The following CDC25C variants were observed in gnomAD, a reference collection of about 807,000 sequenced individuals.
CDC25C encodes M-phase inducer phosphatase 3.
Under a neutral mutation model 52.5 loss-of-function variants are expected in CDC25C, and 48 were observed. The observed-to-expected ratio is 0.91, with a 90% CI of 0.72 to 1.16. The LOEUF (loss-of-function observed/expected upper bound fraction) is 1.16, where lower values mean the gene tolerates loss of function less well. CDC25C is among the 50% of genes most tolerant of loss of function. CDC25C has a pLI of 0.00. For missense variants in CDC25C, 510 were observed against 566.1 expected (o/e 0.90, Z 1.01); for synonymous variants, 187 against 206.5 (o/e 0.91, Z 0.81).
chr5:138,331,806 T>C, upstream of CDC25C: 1 of 986,014 alleles, frequency 1.0e-6, no homozygotes, highest in South Asian at 4.7e-5. Context: ...AGCAAGAATA[T>C]CAACAGCCGC....
chr5:138,320,776 C>A, intron 6 of CDC25C, among the ~76,000 whole-genome samples: 1 of 151,786 alleles, frequency 6.6e-6, no homozygotes, highest in East Asian at 1.9e-4. Context: ...ATTCACCAGG[C>A]ATGGTAGCAC....
intron 8 of CDC25C, among the ~76,000 whole-genome samples, 179 bp from the exon 9 acceptor site, chr5:138,290,919 C>T (rs1056927255): frequency 6.6e-6 from 1 of 152,080 alleles, no homozygotes; most frequent in African/African-American, 2.4e-5. Context: ...TGCACCACTG[C>T]ACTCCAGTCT....
At chr5:138,290,802 G>A (rs1190038380) in intron 8 of CDC25C, 62 bp from the exon 9 acceptor site, 2 of 991,550 alleles carry the variant, frequency 2.0e-6, no homozygotes, top group East Asian at 2.4e-5. Context: ...AAAAACCAGT[G>A]GATGGAGTGG....
intron 7 of CDC25C, among the ~76,000 whole-genome samples, chr5:138,313,379 CAA>C (rs774904685): frequency 5.9e-4 from 22 of 37,048 alleles, no homozygotes; most frequent in South Asian, 1.1e-3. Context: ...CTATATCTCA[CAA>C]AAAAAAAAAA....
At chr5:138,323,318 A>T (rs1280811628) in intron 6 of CDC25C, among the ~76,000 whole-genome samples, 1 of 152,162 alleles carries the variant, frequency 6.6e-6, no homozygotes, top group East Asian at 1.9e-4. Context: ...TCTCCATCTC[A>T]GCTGACTGCA....
intron 7 of CDC25C, among the ~76,000 whole-genome samples, chr5:138,293,195 C>T (rs747116794): frequency 5.3e-4 from 81 of 152,142 alleles, no homozygotes; most frequent in Non-Finnish European, 9.1e-4. Context: ...CGCCCTATGT[C>T]CCCATCCACC....
At chr5:138,334,674 C>T (rs535885834), upstream of CDC25C, among the ~76,000 whole-genome samples, 9 of 152,188 alleles carry the variant, frequency 5.9e-5, no homozygotes, top group Non-Finnish European at 1.2e-4. Flanking sequence ...AAAAGCTCTA[C>T]GTTTGTTAAT....
chr5:138,305,493 C>A (rs1488687149), intron 7 of CDC25C, among the ~76,000 whole-genome samples: 1 of 152,154 alleles, frequency 6.6e-6, no homozygotes, highest in African/African-American at 2.4e-5. Flanking sequence ...CCTTGAACTG[C>A]TAGACTCAAA....
intron 7 of CDC25C, among the ~76,000 whole-genome samples, chr5:138,303,749 C>T (rs919571061): frequency 6.6e-6 from 1 of 152,176 alleles, no homozygotes; most frequent in African/African-American, 2.4e-5. Flanking sequence ...TCTCCCTTTG[C>T]TTTTTCACCA....
chr5:138,332,637 G>A (rs903158953), upstream of CDC25C, among the ~76,000 whole-genome samples: 4 of 151,862 alleles, frequency 2.6e-5, no homozygotes, highest in African/African-American at 7.3e-5. Context: ...AGGCCGAGGC[G>A]GGCAGATTAC....
chr5:138,302,503 C>T (rs931951144), intron 7 of CDC25C, among the ~76,000 whole-genome samples: 1 of 150,826 alleles, frequency 6.6e-6, no homozygotes, highest in Admixed American at 6.6e-5. Flanking sequence ...AGTTTGAGAC[C>T]AGACTAACCA....
intron 6 of CDC25C, among the ~76,000 whole-genome samples, chr5:138,325,081 A>G (rs937757860): frequency 5.3e-5 from 8 of 152,226 alleles, no homozygotes; most frequent in South Asian, 4.1e-4. Context: ...AAAATAAATG[A>G]ATAAAAAGTG....
At chr5:138,286,985 G>A (rs1338519871) in intron 11 of CDC25C, among the ~76,000 whole-genome samples, 184 bp downstream of exon 11, 1 of 152,126 alleles carries the variant, frequency 6.6e-6, no homozygotes, top group Non-Finnish European at 1.5e-5. Flanking sequence ...ATCTAGGAGG[G>A]AAAGGGAAAG....
chr5:138,338,015 A>G (rs1447209879), exon 1 of CDC25C: 2 of 1,289,568 alleles, frequency 1.6e-6, no homozygotes, highest in Admixed American at 4.6e-5. Context: ...GGGGCCGTCC[A>G]CTTTCTGCGA....
At chr5:138,290,617 G>C (rs1466523283) in intron 9 of CDC25C, 22 bp downstream of exon 9, 48 of 1,301,614 alleles carry the variant, frequency 3.7e-5, no homozygotes, top group Non-Finnish European at 5.4e-5. Flanking sequence ...CTGAAATACA[G>C]GATGGGTGTA....
At chr5:138,323,479 T>G (rs1363740407) in intron 6 of CDC25C, among the ~76,000 whole-genome samples, 4 of 151,372 alleles carry the variant, frequency 2.6e-5, no homozygotes, top group African/African-American at 7.3e-5. Context: ...TTTTTTTTGG[T>G]TGGGGGGTGG....
rs1760407740 is a variant in CDC25C, at chr5:138,331,776, G to A, written c.-220C>T. The A allele has an allele frequency of 2.1e-6, 2 of 961,636 alleles. No homozygotes were observed. Among genetic ancestry groups the A allele is most frequent in the African/African-American group, 1.7e-5 (1 of 57,152 alleles). The allele number at this position is 961,636 out of a possible 1,614,324, so 59.6% of individuals were successfully genotyped here. ...GACTCAGAGTCTTCCCTGAGCAGAA[G>A]GCCAAAGTTACGGCCTCTGAGCAAG... On this transcript the variant is annotated 5_prime_UTR_variant, in exon 1 of 14. Coordinates refer to ENST00000323760, the MANE Select transcript of CDC25C (RefSeq NM_001790.5).
Position 138,338,247 on chromosome 5 carries a change from T to TG in CDC25C, c.-280dup, listed in dbSNP as rs556362132. ...GCGCCAGCGCCTTTTAAGGGCACCGTGGGGCGAACCGAGCGCTCAGAGCTG... is the reference window on the plus strand; with the variant it reads ...GCGCCAGCGCCTTTTAAGGGCACCGTGGGGGCGAACCGAGCGCTCAGAGCTG... On this transcript the variant is annotated 5_prime_UTR_variant, in exon 1 of 6. Coordinates refer to the CDC25C transcript ENST00000510119. 2.2e-4 allele frequency: 254 copies of TG among 1,158,534 alleles called. 1 individual carries two copies. In the Middle Eastern group the frequency reaches 3.4e-3, roughly 15 times the overall value. 71.8% of individuals were successfully genotyped at this position (1,158,534 alleles called of 1,614,324 possible).
At chr5:138,302,085 C>T (rs961350362) in intron 7 of CDC25C, among the ~76,000 whole-genome samples, 3 of 151,890 alleles carry the variant, frequency 2.0e-5, no homozygotes, top group Non-Finnish European at 4.4e-5. Context: ...ACCTCTGCCT[C>T]CCTGATTCAA....
Sources: gnomAD v4.1 joint callset for allele counts (sites outside exome capture counted in the v4.1 genomes callset) on GRCh38, gnomAD v4.1.1 for gene constraint, MANE v1.5 for transcripts, NCBI Gene and HGNC (gene_info 2026-07-23, HGNC 2026-07-21) for gene names.